CDC20B: variants seen among roughly 807,000 people sequenced by gnomAD.
CDC20B encodes the protein cell division cycle protein 20 homolog B.
CDC20B carries 58 observed loss-of-function variants against 64.1 expected under a neutral mutation model. The ratio of observed to expected loss-of-function variants is 0.90; its 90% CI spans 0.73 to 1.13. The LOEUF (loss-of-function observed/expected upper bound fraction) is 1.13. CDC20B is among the 50% of genes most tolerant of loss of function. The pLI, the probability that CDC20B is intolerant of heterozygous loss-of-function variation, is 0.00. For synonymous variants in CDC20B, 243 were observed against 230.6 expected (o/e 1.05, Z -0.49); for missense variants, 597 against 633.0 (o/e 0.94, Z 0.61).
rs182271772 is a variant in CDC20B at position 55,143,296 on chromosome 5, T to G, written c.486+217A>C. On this transcript the variant is annotated intron_variant, in intron 4 of 11. Coordinates refer to ENST00000381375, the MANE Select transcript of CDC20B (RefSeq NM_001170402.1). ...TTATTCTCATTTTCACTTTTTTAAT[T>G]AATCCCAACTCAACATTTTCTCATA... Among the ~76,000 whole-genome samples the G allele has an allele frequency of 4.1e-4, 63 of 152,360 alleles. 1 individual carries two copies. The highest frequency in any genetic ancestry group is 3.4e-3 in the Middle Eastern group (1 of 294).
chr5:55,172,718 T>C (rs940354126), intron 1 of CDC20B, 68 bp from the exon 2 acceptor site: 1 of 1,302,110 alleles, frequency 7.7e-7, no homozygotes, highest in African/African-American at 1.5e-5. Context: ...AGGTGTGGAA[T>C]TTTTCTAGAT....
At chr5:55,158,795 C>T (rs1265301911) in intron 2 of CDC20B, among the ~76,000 whole-genome samples, 1 of 152,122 alleles carries the variant, frequency 6.6e-6, no homozygotes, top group Non-Finnish European at 1.5e-5. Context: ...CCATACCTAC[C>T]CCTAAAATTC....
intron 5 of CDC20B, among the ~76,000 whole-genome samples, chr5:55,138,225 A>G (rs336079): frequency 0.16 from 24,571 of 150,258 alleles, 2,367 homozygotes; most frequent in South Asian, 0.3. Flanking sequence ...CAGTGGCGTG[A>G]TTTCGGCTCA....
chr5:55,159,912 A>G (rs1743943686), intron 2 of CDC20B, among the ~76,000 whole-genome samples: 2 of 152,222 alleles, frequency 1.3e-5, no homozygotes, highest in Non-Finnish European at 2.9e-5. Flanking sequence ...TTCTGGCGAA[A>G]TATTTTCTTT....
Position 55,140,426 on chromosome 5 carries a change from A to C in CDC20B, c.487-19T>G, listed in dbSNP as rs368903816. 8 of 1,536,190 alleles carry C rather than the reference A, an allele frequency of 5.2e-6. No individual in the cohort carries two copies. Among genetic ancestry groups the C allele is most frequent in the Non-Finnish European group, 7.2e-6 (8 of 1,113,172 alleles). ...GGCATTTCTGAAAATAAACACACATAAGGAGAATATTTCTTTAAAAACATA... is the reference window on the plus strand; with the variant it reads ...GGCATTTCTGAAAATAAACACACATCAGGAGAATATTTCTTTAAAAACATA... On this transcript the variant is annotated intron_variant, in intron 4 of 11. Coordinates refer to ENST00000381375, the MANE Select transcript of CDC20B (RefSeq NM_001170402.1).
chr5:55,119,296 G>A (rs1389163909), intron 11 of CDC20B, among the ~76,000 whole-genome samples: 3 of 152,110 alleles, frequency 2.0e-5, no homozygotes, highest in Admixed American at 1.3e-4. Context: ...CAGGGCCTGG[G>A]TCTTGCTCCC....
chr5:55,149,005 C>A (rs889981722), intron 2 of CDC20B, among the ~76,000 whole-genome samples: 2 of 152,192 alleles, frequency 1.3e-5, no homozygotes, highest in African/African-American at 4.8e-5. Context: ...GTGTGTACTG[C>A]ATTTTACATG....
At chr5:55,135,854 G>A (rs1023728268) in intron 5 of CDC20B, 1 of 150,910 alleles carries the variant, frequency 6.6e-6, no homozygotes, top group Non-Finnish European at 1.5e-5. Context: ...GTGGCCCAGG[G>A]AAGCCAAAAG....
intron 6 of CDC20B, among the ~76,000 whole-genome samples, chr5:55,128,837 T>A (rs1209031164): frequency 6.6e-6 from 1 of 152,176 alleles, no homozygotes; most frequent in African/African-American, 2.4e-5. Flanking sequence ...ATGCTTATTA[T>A]TTACACTGAA....
chr5:55,142,351 C>T (rs1287784275), intron 4 of CDC20B, among the ~76,000 whole-genome samples: 1 of 152,132 alleles, frequency 6.6e-6, no homozygotes, highest in Non-Finnish European at 1.5e-5. Context: ...ACAAAAAATG[C>T]TCTCCTTAAC....
chr5:55,160,225 T>C, intron 2 of CDC20B: 1 of 1,614,152 alleles, frequency 6.2e-7, no homozygotes, highest in Non-Finnish European at 8.5e-7. Flanking sequence ...CGCTAAAATG[T>C]TCCGGGCCCA....
At chr5:55,170,958 G>A (rs1580383426) in intron 2 of CDC20B, among the ~76,000 whole-genome samples, 1 of 152,156 alleles carries the variant, frequency 6.6e-6, no homozygotes, top group Non-Finnish European at 1.5e-5. Context: ...CTTACATTTA[G>A]GTTTTCCAAA....
At chr5:55,130,294 G>C (rs558580000) in intron 6 of CDC20B, among the ~76,000 whole-genome samples, 2 of 152,286 alleles carry the variant, frequency 1.3e-5, no homozygotes, top group East Asian at 3.9e-4. Context: ...AGAGGAAAGA[G>C]TAAACTTGAA....
intron 7 of CDC20B, among the ~76,000 whole-genome samples, chr5:55,127,853 CAT>C (rs1289639707): frequency 6.6e-6 from 1 of 152,168 alleles, no homozygotes; most frequent in Admixed American, 6.5e-5. Context: ...GAAATCATGA[CAT>C]AGACTTCACA....
At chr5:55,130,809 T>C (rs1164386371) in intron 6 of CDC20B, among the ~76,000 whole-genome samples, 2 of 152,186 alleles carry the variant, frequency 1.3e-5, no homozygotes, top group Admixed American at 6.5e-5. Flanking sequence ...TGGATGGTTT[T>C]CAGTGTATGT....
chr5:55,159,975 A>AT, intron 2 of CDC20B: 1 of 521,802 alleles, frequency 1.9e-6, no homozygotes, highest in Non-Finnish European at 3.4e-6. Flanking sequence ...TCTAGCAAAA[A>AT]TTATAATTAC....
At chr5:55,160,220 A>C in intron 2 of CDC20B, 1 of 1,614,088 alleles carries the variant, frequency 6.2e-7, no homozygotes, top group Non-Finnish European at 8.5e-7. Context: ...TTACCCGCTA[A>C]AATGTTCCGG....
intron 7 of CDC20B, among the ~76,000 whole-genome samples, chr5:55,127,998 T>C (rs1162550957): frequency 6.6e-6 from 1 of 152,026 alleles, no homozygotes; most frequent in African/African-American, 2.4e-5. Flanking sequence ...AGAAATCAGA[T>C]AGATTGATGG....
At chr5:55,161,510 TTTAC>T (rs1339618864) in intron 2 of CDC20B, among the ~76,000 whole-genome samples, 2 of 152,184 alleles carry the variant, frequency 1.3e-5, no homozygotes, top group African/African-American at 4.8e-5. Flanking sequence ...TCCTGAAGAA[TTTAC>T]TTAAAGTGTG....
Sources: gnomAD v4.1 joint callset for allele counts (sites outside exome capture counted in the v4.1 genomes callset) on GRCh38, gnomAD v4.1.1 for gene constraint, MANE v1.5 for transcripts, NCBI Gene and HGNC (gene_info 2026-07-23, HGNC 2026-07-21) for gene names.